The following TBL1XR1 variants were observed in gnomAD, a reference collection of about 807,000 sequenced individuals.
The protein encoded by TBL1XR1 is TBL1X/Y related 1.
A neutral mutation model predicts 66.9 loss-of-function variants in TBL1XR1; 5 were observed. That is an observed-to-expected ratio of 0.07 (90% CI 0.04 to 0.16). The LOEUF (loss-of-function observed/expected upper bound fraction) is 0.16. Ranked by LOEUF, TBL1XR1 falls within the 10% of genes least tolerant of loss-of-function variation. The pLI, the probability that TBL1XR1 is intolerant of heterozygous loss-of-function variation, is 1.00. For missense variants in TBL1XR1, 238 were observed against 623.2 expected, an observed-to-expected ratio of 0.38 and a Z score of 6.58; for synonymous variants, 210 against 206.0, an observed-to-expected ratio of 1.02 and a Z score of -0.17.
At chr3:177,186,297 A>G (rs1735397235) in intron 1 of TBL1XR1, among the ~76,000 whole-genome samples, 1 of 152,260 alleles carries the variant, frequency 6.6e-6, no homozygotes, top group South Asian at 2.1e-4. Context: ...TTAAGCATGT[A>G]TATTACATTG....
chr3:177,127,178 A>G (rs980722258), intron 1 of TBL1XR1, among the ~76,000 whole-genome samples: 3 of 152,226 alleles, frequency 2.0e-5, no homozygotes, highest in South Asian at 4.1e-4. Context: ...GTATCTCAAC[A>G]TACTGCCACC....
intron 14 of TBL1XR1, among the ~76,000 whole-genome samples, chr3:177,031,577 C>T (rs1292609198): frequency 6.7e-6 from 1 of 149,834 alleles, no homozygotes; most frequent in Non-Finnish European, 1.5e-5. Context: ...GAGAACTGCC[C>T]GCCTTGGCCT....
chr3:177,147,601 ATCT>A (rs1457008758), intron 1 of TBL1XR1, among the ~76,000 whole-genome samples: 2 of 152,350 alleles, frequency 1.3e-5, no homozygotes, highest in East Asian at 1.9e-4. Flanking sequence ...GGCTACAGGC[ATCT>A]TCTTCATTCT....
chr3:177,157,990 TTTTAG>T (rs1176570349), intron 1 of TBL1XR1, among the ~76,000 whole-genome samples: 9 of 150,334 alleles, frequency 6.0e-5, no homozygotes, highest in Admixed American at 2.6e-4. Flanking sequence ...AAGTGTTTTA[TTTTAG>T]TTGTTTCCCC....
intron 10 of TBL1XR1, among the ~76,000 whole-genome samples, chr3:177,039,205 A>G (rs1199267455): frequency 6.6e-6 from 1 of 151,988 alleles, no homozygotes; most frequent in African/African-American, 2.4e-5. Context: ...CCGAAATCAG[A>G]AAAAAAATAA....
At chr3:177,142,711 A>T (rs1321728622) in intron 1 of TBL1XR1, among the ~76,000 whole-genome samples, 1 of 152,220 alleles carries the variant, frequency 6.6e-6, no homozygotes, top group Non-Finnish European at 1.5e-5. Flanking sequence ...GTGAAATAAA[A>T]ATTTAAAATA....
intron 1 of TBL1XR1, among the ~76,000 whole-genome samples, chr3:177,148,364 T>A (rs929588521): frequency 6.6e-6 from 1 of 152,232 alleles, no homozygotes; most frequent in Non-Finnish European, 1.5e-5. Context: ...AACTAGAAAT[T>A]AGAATTTAAA....
At chr3:177,121,391 C>T (rs1726954805) in intron 1 of TBL1XR1, among the ~76,000 whole-genome samples, 1 of 152,108 alleles carries the variant, frequency 6.6e-6, no homozygotes, top group Non-Finnish European at 1.5e-5. Context: ...AAAATAAAGT[C>T]CATTGAGAAA....
chr3:177,092,719 GAAAAAA>G (rs11399492), intron 2 of TBL1XR1, among the ~76,000 whole-genome samples: 5 of 147,244 alleles, frequency 3.4e-5, no homozygotes, highest in Non-Finnish European at 6.0e-5. Context: ...GTTTTTCAAG[GAAAAAA>G]AAAAACCTAG....
intron 3 of TBL1XR1, among the ~76,000 whole-genome samples, chr3:177,055,570 G>A (rs2108509518): frequency 6.7e-6 from 1 of 149,016 alleles, no homozygotes; most frequent in African/African-American, 2.5e-5. Context: ...TGGGGGGGTG[G>A]GGGCGGAGAA....
chr3:177,081,861 T>C (rs1577106481), intron 2 of TBL1XR1, among the ~76,000 whole-genome samples: 1 of 152,196 alleles, frequency 6.6e-6, no homozygotes, highest in African/African-American at 2.4e-5. Flanking sequence ...ATATACAATA[T>C]AAAATTTAAG....
At chr3:177,118,262 T>C (rs994727575) in intron 1 of TBL1XR1, among the ~76,000 whole-genome samples, 2 of 152,204 alleles carry the variant, frequency 1.3e-5, no homozygotes, top group Non-Finnish European at 2.9e-5. Context: ...GAACATTCAT[T>C]CATTCATTAA....
chr3:177,153,525 A>G (rs1014356441), intron 1 of TBL1XR1, among the ~76,000 whole-genome samples: 1 of 152,258 alleles, frequency 6.6e-6, no homozygotes, highest in Non-Finnish European at 1.5e-5. Context: ...AAATAGATGT[A>G]TGCTATTATA....
intron 1 of TBL1XR1, among the ~76,000 whole-genome samples, chr3:177,114,398 C>G (rs1338618047): frequency 6.6e-6 from 1 of 151,932 alleles, no homozygotes; most frequent in Middle Eastern, 3.2e-3. Flanking sequence ...TGACCTCCAC[C>G]TCCCCAACCC....
intron 1 of TBL1XR1, among the ~76,000 whole-genome samples, chr3:177,135,333 G>GTGTGTGTGTGTGTGTGTA (rs1560213907): frequency 5.6e-5 from 3 of 53,816 alleles, no homozygotes; most frequent in Admixed American, 2.6e-4. Context: ...GTGTGTGTGT[G>GTGTGTGTGTGTGTGTGTA]TATACATATA....
chr3:177,194,918 G>A (rs1477353807), intron 1 of TBL1XR1, among the ~76,000 whole-genome samples: 5 of 151,952 alleles, frequency 3.3e-5, no homozygotes, highest in South Asian at 2.1e-4. Flanking sequence ...TACCACCAGT[G>A]TCTCCCACAT....
At chr3:177,196,866 TA>T (rs1452606301) in intron 1 of TBL1XR1, among the ~76,000 whole-genome samples, 1 of 142,068 alleles carries the variant, frequency 7.0e-6, no homozygotes, top group African/African-American at 2.6e-5. Flanking sequence ...CGGGAAAGGG[TA>T]GGGGGGTGGG....
rs753008616 is a variant in TBL1XR1, at chr3:177,033,117, C to G, written c.1270G>C (p.Val424Leu). The G allele has an allele frequency of 1.3e-6, 2 of 1,555,190 alleles. No individual in the cohort carries two copies. Among genetic ancestry groups the G allele is most frequent in the African/African-American group, 1.4e-5 (1 of 73,028 alleles). Residue 424 changes from valine (V) to leucine (L), a missense_variant, in exon 14 of 16, where the codon GTT (valine) becomes CTT (leucine). This residue lies in a region of TBL1XR1 where 89 missense variants were observed against 220.2 expected (regional missense o/e 0.40). Transcript: ENST00000457928. ...MLASASFDST[V>L]RLWDVDRGIC... ...CCTCGGTCTACATCCCATAACCTAA[C>G]AGTAGAATCAAAGGATGCACTGAAA...
intron 3 of TBL1XR1, among the ~76,000 whole-genome samples, chr3:177,055,991 C>G (rs891873133): frequency 1.3e-5 from 2 of 152,166 alleles, no homozygotes; most frequent in African/African-American, 4.8e-5. Context: ...CTCTACTACT[C>G]CTCTTGAACA....
Sources: gnomAD v4.1 joint callset for allele counts (sites outside exome capture counted in the v4.1 genomes callset) on GRCh38, gnomAD v4.1.1 for gene constraint, gnomAD v4.1.1 regional missense constraint, MANE v1.5 for transcripts, NCBI Gene and HGNC (gene_info 2026-07-23, HGNC 2026-07-21) for gene names.